CACNG5: variants seen among roughly 807,000 people sequenced by gnomAD.
The protein encoded by CACNG5 is calcium voltage-gated channel auxiliary subunit gamma 5.
A neutral mutation model predicts 24.8 loss-of-function variants in CACNG5; 18 were observed. That is an observed-to-expected ratio of 0.73 (90% CI 0.50 to 1.08). The LOEUF is 1.08. CACNG5 is among the 50% of genes least tolerant of loss of function. The pLI is 0.00. For synonymous variants in CACNG5, 157 were observed against 149.1 expected (o/e 1.05, Z -0.39); for missense variants, 349 against 367.9 (o/e 0.95, Z 0.42).
At chr17:66,858,034 G>A (rs1976805284) in intron 1 of CACNG5, among the ~76,000 whole-genome samples, 1 of 152,124 alleles carries the variant, frequency 6.6e-6, no homozygotes, top group African/African-American at 2.4e-5. Flanking sequence ...AGAGGTCATG[G>A]GCACACCATG....
At chr17:66,882,742 T>C (rs73333298) in intron 4 of CACNG5, among the ~76,000 whole-genome samples, 5,334 of 152,044 alleles carry the variant, frequency 0.035, 328 homozygotes, top group African/African-American at 0.12. Flanking sequence ...AATTGATAGA[T>C]GGATGGATGG....
intron 1 of CACNG5, among the ~76,000 whole-genome samples, chr17:66,861,510 A>C (rs1976858361): frequency 1.3e-5 from 2 of 152,354 alleles, no homozygotes; most frequent in South Asian, 4.1e-4. Context: ...GTCCTGGTCC[A>C]ATAAATGTCA....
At position 66,877,325 on chromosome 17, in the gene CACNG5, C is replaced by G. The variant is rs1175083444; in HGVS notation, c.-8C>G. 1 of 1,612,400 alleles carries G rather than the reference C, an allele frequency of 6.2e-7. No individual in the cohort carries two copies. The highest frequency in any genetic ancestry group is 2.2e-5 in the East Asian group (1 of 44,860). ...TGGCGACTAGTTGCACAGCAACGGTCCAGGAAGATGAGTGCCTGCGGGAGG... is the reference window on the plus strand; with the variant it reads ...TGGCGACTAGTTGCACAGCAACGGTGCAGGAAGATGAGTGCCTGCGGGAGG... On this transcript the variant is annotated 5_prime_UTR_variant, in exon 2 of 6. Transcript: ENST00000533854.
rs1207904889 is a variant in CACNG5 at position 66,884,667 on chromosome 17, GC to G, written c.570+9del. 1 of 1,614,212 alleles carries G rather than the reference GC, an allele frequency of 6.2e-7. No homozygotes were observed. The highest frequency in any genetic ancestry group is 1.1e-5 in the South Asian group (1 of 91,084). On this transcript the variant is annotated splice_region_variant and intron_variant, in intron 5 of 5. Transcript: ENST00000533854. ...TCTCCTTCCTTTTAACGGAGGTAAA[GC>G]CCGTCACCCTAAGTATGGATAGGCT...
At chr17:66,839,941 G>T (rs918187400) in intron 1 of CACNG5, among the ~76,000 whole-genome samples, 9 of 152,210 alleles carry the variant, frequency 5.9e-5, no homozygotes, top group Non-Finnish European at 1.2e-4. Flanking sequence ...CGCTGTTGGG[G>T]CATGAGTATG....
chr17:66,840,882 A>T (rs2144496401), intron 1 of CACNG5, among the ~76,000 whole-genome samples: 1 of 152,124 alleles, frequency 6.6e-6, no homozygotes, highest in South Asian at 2.1e-4. Flanking sequence ...GCCCTGTTTG[A>T]TCCCTGAGTA....
intron 1 of CACNG5, among the ~76,000 whole-genome samples, chr17:66,858,488 C>T (rs1976810862): frequency 6.6e-6 from 1 of 152,290 alleles, no homozygotes; most frequent in Admixed American, 6.5e-5. Flanking sequence ...GCCTCCCCCA[C>T]CCGCCACGCT....
In CACNG5 at chr17:66,886,159, T is replaced by G. The variant is rs1004139908; in HGVS notation, c.*919T>G. Among the ~76,000 whole-genome samples, 1 of 152,184 alleles carries G rather than the reference T, an allele frequency of 6.6e-6. No homozygotes were observed. Among genetic ancestry groups the G allele is most frequent in the East Asian group, 1.9e-4 (1 of 5,190 alleles). On this transcript the variant is annotated 3_prime_UTR_variant, in exon 6 of 6. Coordinates refer to ENST00000533854, the MANE Select transcript of CACNG5 (RefSeq NM_145811.3). ...ATATTTCCGGACCAAGGCCCTAAGA[T>G]GGAATCTTGTAGACATCTGTCTAAA...
rs928307572 is a variant in CACNG5, at chr17:66,891,382, G to A, written c.*6142G>A. ...TCTGACAGCTTTAGGGGTTGGCTGGGCTCAGCAAGGCAGTTCTCACTCAGG... is the reference window on the plus strand; with the variant it reads ...TCTGACAGCTTTAGGGGTTGGCTGGACTCAGCAAGGCAGTTCTCACTCAGG... On this transcript the variant is annotated 3_prime_UTR_variant, in exon 6 of 6. Transcript: ENST00000533854. 1.3e-5 allele frequency among the ~76,000 whole-genome samples: 2 copies of A among 152,176 alleles called. No homozygotes were observed. The highest frequency in any genetic ancestry group is 2.9e-5 in the Non-Finnish European group (2 of 68,038).
intron 1 of CACNG5, among the ~76,000 whole-genome samples, chr17:66,869,709 C>G (rs767315624): frequency 6.6e-6 from 1 of 152,126 alleles, no homozygotes; most frequent in Non-Finnish European, 1.5e-5. Flanking sequence ...TATATCACAT[C>G]TAGGTAGTGA....
intron 1 of CACNG5, among the ~76,000 whole-genome samples, chr17:66,866,001 A>G (rs1371672164): frequency 6.6e-6 from 1 of 152,104 alleles, no homozygotes; most frequent in East Asian, 1.9e-4. Flanking sequence ...CAGAAATTCC[A>G]CTTAATTACA....
chr17:66,894,425 T>C lies in CACNG5; in HGVS notation c.*9185T>C, dbSNP rs988649563. 2.0e-5 allele frequency among the ~76,000 whole-genome samples: 3 copies of C among 152,194 alleles called. No homozygotes were observed. The highest frequency in any genetic ancestry group is 6.5e-5 in the Admixed American group (1 of 15,268). ...AGTACTAATATATTATTTTGGTTAT[T>C]GCTACTGTTTCTTTAGCACCTACTA... is the stretch of plus-strand genomic sequence containing the variant. On this transcript the variant is annotated 3_prime_UTR_variant, in exon 6 of 6. Coordinates refer to ENST00000533854, the MANE Select transcript of CACNG5 (RefSeq NM_145811.3).
At chr17:66,859,466 G>A (rs1423427334) in intron 1 of CACNG5, among the ~76,000 whole-genome samples, 1 of 152,138 alleles carries the variant, frequency 6.6e-6, no homozygotes. Context: ...AACGATGCTG[G>A]GAGGAGGTAT....
In CACNG5 at chr17:66,885,312, A is replaced by G; in HGVS notation, c.*72A>G. 6.7e-7 allele frequency: 1 copy of G among 1,502,930 alleles called. No individual in the cohort carries two copies. Among genetic ancestry groups the G allele is most frequent in the Non-Finnish European group, 8.8e-7 (1 of 1,132,324 alleles). The allele number at this position is 1,502,930 out of a possible 1,614,324, so 93.1% of individuals were successfully genotyped here. A position where few individuals can be genotyped will look rare whatever the true frequency, so the allele number is the denominator to read the frequency against. On this transcript the variant is annotated 3_prime_UTR_variant, in exon 6 of 6. Transcript: ENST00000533854. ...TCCTGTTCTCTCCAGGTGACCCCTG[A>G]GCCCCAGGCCTGTGGTTGACAGGCC...
chr17:66,844,855 G>A (rs1299982157), intron 1 of CACNG5, among the ~76,000 whole-genome samples: 1 of 152,126 alleles, frequency 6.6e-6, no homozygotes, highest in African/African-American at 2.4e-5. Flanking sequence ...TGAACCTCAG[G>A]AGCCCCATGT....
chr17:66,836,804 G>A (rs1409385353), intron 1 of CACNG5, among the ~76,000 whole-genome samples: 1 of 152,218 alleles, frequency 6.6e-6, no homozygotes, highest in Admixed American at 6.5e-5. Flanking sequence ...GGCTGGGGCT[G>A]TTGGTGATGT....
At chr17:66,853,607 G>A (rs1309072190) in intron 1 of CACNG5, among the ~76,000 whole-genome samples, 1 of 152,154 alleles carries the variant, frequency 6.6e-6, no homozygotes, top group Non-Finnish European at 1.5e-5. Flanking sequence ...AACAGATTAA[G>A]AGTATATATG....
chr17:66,879,072 G>T lies in CACNG5; in HGVS notation c.283+14G>T. The T allele has an allele frequency of 6.2e-7, 1 of 1,607,922 alleles. No individual in the cohort carries two copies. The stretch of plus-strand genomic sequence containing the variant: ...TCAATGTTCTAAGTAAGTGCCTTGA[G>T]TCTGGCAACCTGGGCCACTGGCTGG... On this transcript the variant is annotated intron_variant, in intron 3 of 5. Coordinates refer to ENST00000533854, the MANE Select transcript of CACNG5 (RefSeq NM_145811.3).
intron 1 of CACNG5, among the ~76,000 whole-genome samples, chr17:66,847,923 G>A (rs1976658617): frequency 6.6e-6 from 1 of 152,210 alleles, no homozygotes; most frequent in Non-Finnish European, 1.5e-5. Context: ...CAGGGCACAA[G>A]GCATGTCTCT....
Sources: allele counts gnomAD v4.1 joint callset (sites outside exome capture counted in the v4.1 genomes callset), GRCh38; gene constraint gnomAD v4.1.1; transcripts MANE v1.5; gene names NCBI Gene and HGNC (gene_info 2026-07-23, HGNC 2026-07-21).